RSF1: variants seen among roughly 807,000 people sequenced by gnomAD.
RSF1 encodes remodeling and spacing factor 1.
Under a neutral mutation model 145.2 loss-of-function variants are expected in RSF1, and 13 were observed. The ratio of observed to expected loss-of-function variants is 0.09; its 90% CI spans 0.06 to 0.14. RSF1 has a LOEUF of 0.14. Ranked by LOEUF, RSF1 falls within the 10% of genes least tolerant of loss-of-function variation. The pLI is 1.00. For synonymous variants in RSF1, 577 were observed against 592.6 expected, an observed-to-expected ratio of 0.97 and a Z score of 0.38; for missense variants, 1,517 against 1,718.2, an observed-to-expected ratio of 0.88 and a Z score of 2.07.
intron 1 of RSF1, among the ~76,000 whole-genome samples, chr11:77,771,077 TAGAG>T (rs1948280279): frequency 6.6e-6 from 1 of 151,934 alleles, no homozygotes; most frequent in African/African-American, 2.4e-5. Flanking sequence ...TTAACGATCA[TAGAG>T]AGGAATAAGG....
At chr11:77,772,966 C>T (rs1948303287) in intron 1 of RSF1, among the ~76,000 whole-genome samples, 1 of 151,900 alleles carries the variant, frequency 6.6e-6, no homozygotes, top group Non-Finnish European at 1.5e-5. Context: ...GTTCACAAGA[C>T]CTAACTTATG....
At chr11:77,750,645 C>T (rs2135923101) in intron 2 of RSF1, among the ~76,000 whole-genome samples, 1 of 152,244 alleles carries the variant, frequency 6.6e-6, no homozygotes, top group African/African-American at 2.4e-5. Context: ...TGGAAGCAAC[C>T]AGATCCTAAT....
At chr11:77,674,909 G>C (rs928388626) in intron 14 of RSF1, 127 bp downstream of exon 14, 1 of 666,642 alleles carries the variant, frequency 1.5e-6, no homozygotes, top group Non-Finnish European at 2.5e-6. Context: ...TGAGGTAGGA[G>C]AATCGCTTGA....
At chr11:77,794,599 G>A (rs1265902499) in intron 1 of RSF1, among the ~76,000 whole-genome samples, 15 of 151,642 alleles carry the variant, frequency 9.9e-5, no homozygotes. Flanking sequence ...CAACCACCGG[G>A]TCAATGAAGT....
chr11:77,730,938 C>T (rs112766472), intron 4 of RSF1, among the ~76,000 whole-genome samples: 7 of 152,194 alleles, frequency 4.6e-5, no homozygotes, highest in African/African-American at 1.2e-4. Flanking sequence ...AGCATGAAAA[C>T]GGACTAATAT....
intron 7 of RSF1, among the ~76,000 whole-genome samples, chr11:77,698,073 T>G (rs7111625): frequency 0.34 from 51,945 of 152,120 alleles, 9,060 homozygotes; most frequent in East Asian, 0.46. Flanking sequence ...GCATTTGAAT[T>G]ACTGGGCTCA....
intron 7 of RSF1, among the ~76,000 whole-genome samples, chr11:77,697,772 G>A (rs1372128299): frequency 1.3e-5 from 2 of 151,434 alleles, no homozygotes; most frequent in African/African-American, 4.9e-5. Context: ...TTTTAATAAA[G>A]GCATCTAATG....
At chr11:77,783,177 C>T (rs1411389201) in intron 1 of RSF1, among the ~76,000 whole-genome samples, 1 of 152,146 alleles carries the variant, frequency 6.6e-6, no homozygotes, top group Admixed American at 6.6e-5. Flanking sequence ...ACTTTTTACC[C>T]TTACATTATA....
intron 4 of RSF1, among the ~76,000 whole-genome samples, chr11:77,728,589 A>G (rs1424569945): frequency 6.6e-6 from 1 of 151,450 alleles, no homozygotes; most frequent in Non-Finnish European, 1.5e-5. Context: ...GAAGGGAAGG[A>G]AAAAGGGAAG....
At chr11:77,853,809 T>TGTA in the RSF1 span, among the ~76,000 whole-genome samples, 2 of 151,700 alleles carry the variant, frequency 1.3e-5, no homozygotes, top group Non-Finnish European at 2.9e-5. Flanking sequence ...GGCATGGTGG[T>TGTA]GCACCCCTGT....
chr11:77,717,214 T>TA (rs1960836984), intron 5 of RSF1, among the ~76,000 whole-genome samples: 1 of 132,326 alleles, frequency 7.6e-6, no homozygotes, highest in African/African-American at 2.8e-5. Context: ...CAATCTAGAA[T>TA]AAAAAAATAA....
At chr11:77,779,035 C>T (rs1948376513) in intron 1 of RSF1, among the ~76,000 whole-genome samples, 1 of 152,066 alleles carries the variant, frequency 6.6e-6, no homozygotes, top group Non-Finnish European at 1.5e-5. Context: ...GCATCCACCT[C>T]CCAGGTTCAA....
At chr11:77,812,258 G>GT (rs1948738877) in intron 1 of RSF1, among the ~76,000 whole-genome samples, 1 of 152,020 alleles carries the variant, frequency 6.6e-6, no homozygotes, top group Non-Finnish European at 1.5e-5. Flanking sequence ...GTTTTAAATA[G>GT]TTTTTTGGTG....
chr11:77,670,511 T>A (rs1464822470), intron 15 of RSF1, among the ~76,000 whole-genome samples: 3 of 152,208 alleles, frequency 2.0e-5, no homozygotes, highest in Non-Finnish European at 4.4e-5. Flanking sequence ...ATTCTACTTA[T>A]CTATCTTGTT....
At chr11:77,869,817 G>A in the RSF1 span, 80 of 1,613,112 alleles carry the variant, frequency 5.0e-5, no homozygotes, top group African/African-American at 9.7e-4. Context: ...AGGCCTTGAA[G>A]GTAGGTGTTG....
intron 8 of RSF1, 57 bp downstream of exon 8, chr11:77,693,450 A>G: frequency 9.4e-7 from 1 of 1,059,168 alleles, no homozygotes; most frequent in Non-Finnish European, 1.5e-6. Flanking sequence ...GCTATTAAAC[A>G]GTTATTAATT....
At chr11:77,867,012 TG>T in the RSF1 span, among the ~76,000 whole-genome samples, 10 of 152,224 alleles carry the variant, frequency 6.6e-5, no homozygotes, top group African/African-American at 2.4e-4. Context: ...GGCTAATTTT[TG>T]TATTTTTAGT....
intron 1 of RSF1, among the ~76,000 whole-genome samples, chr11:77,798,909 C>A (rs1227780377): frequency 6.7e-6 from 1 of 149,796 alleles, no homozygotes; most frequent in African/African-American, 2.5e-5. Context: ...CACGTGTATA[C>A]CTATGTAATG....
At chr11:77,866,210 CTTG>C in the RSF1 span, among the ~76,000 whole-genome samples, 10 of 152,192 alleles carry the variant, frequency 6.6e-5, no homozygotes, top group Non-Finnish European at 1.3e-4. Context: ...AGGATGCCAT[CTTG>C]TTGTTTAGCT....
Sources: allele counts gnomAD v4.1 joint callset (sites outside exome capture counted in the v4.1 genomes callset), GRCh38; gene constraint gnomAD v4.1.1; transcripts MANE v1.5; gene names NCBI Gene and HGNC (gene_info 2026-07-23, HGNC 2026-07-21).